Variants in SIGLEC7 observed in about 807,000 individuals in gnomAD.
SIGLEC7 encodes sialic acid binding Ig like lectin 7.
SIGLEC7 carries 33 observed loss-of-function variants against 40.8 expected under a neutral mutation model. The observed-to-expected ratio is 0.81, with a 90% CI of 0.61 to 1.08. SIGLEC7 has a LOEUF of 1.08. SIGLEC7 is among the 50% of genes least tolerant of loss of function. SIGLEC7 has a pLI of 0.00. For synonymous variants in SIGLEC7, 242 were observed against 237.6 expected, an observed-to-expected ratio of 1.02 and a Z score of -0.17; for missense variants, 513 against 576.1, an observed-to-expected ratio of 0.89 and a Z score of 1.12.
At chr19:51,144,243 A>C in intron 1 of SIGLEC7, 163 bp from the exon 2 acceptor site, 2 of 1,070,524 alleles carry the variant, frequency 1.9e-6, no homozygotes, top group South Asian at 3.0e-5. Context: ...GGGAAAGGTC[A>C]TGGGGGTGGC....
At chr19:51,148,702 C>A (rs1438499143) in intron 6 of SIGLEC7, among the ~76,000 whole-genome samples, 1 of 152,130 alleles carries the variant, frequency 6.6e-6, no homozygotes, top group Non-Finnish European at 1.5e-5. Context: ...GAGTATAAAA[C>A]CAGTAATGTG....
rs770072938 is a variant in SIGLEC7 at position 51,146,097 on chromosome 19, C to T, written c.1003C>T (p.Leu335Phe). 6 of 1,614,198 alleles carry T rather than the reference C, an allele frequency of 3.7e-6. No homozygotes were observed. Among genetic ancestry groups the T allele is most frequent in the Non-Finnish European group, 5.1e-6 (6 of 1,180,032 alleles). ...GGGTTCCCAGCACGTTTCCCTGAACCTCTCCCTGCAACAGGAGTACACAGG... is the reference window on the plus strand; with the variant it reads ...GGGTTCCCAGCACGTTTCCCTGAACTTCTCCCTGCAACAGGAGTACACAGG... ...SLGSQHVSLN[L>F]SLQQEYTGKM... Residue 335 changes from leucine to phenylalanine, a missense_variant, in exon 4 of 7, where the codon CTC becomes TTC. Physicochemically the swap from Leu to Phe is conservative, Grantham distance 22. Transcript: ENST00000317643.
Position 51,144,677 on chromosome 19 carries a change from T to TC in SIGLEC7, c.705_706insC (p.Val236ArgfsTer44). The stretch of plus-strand genomic sequence containing the variant: ...CCACGAACAGGACCATCCAACTCAA[T>TC]GTGTCCTGTGAGTGCTGAGCCAGGA... On this transcript the variant is annotated frameshift_variant, in exon 2 of 7. Transcript: ENST00000317643. LOFTEE classifies it high-confidence loss of function. 1 of 1,613,200 alleles carries TC rather than the reference T, an allele frequency of 6.2e-7. No individual in the cohort carries two copies. Among genetic ancestry groups the TC allele is most frequent in the Admixed American group, 1.7e-5 (1 of 60,010 alleles).
intron 6 of SIGLEC7, among the ~76,000 whole-genome samples, chr19:51,152,225 G>C (rs1185713815): frequency 6.6e-6 from 1 of 152,096 alleles, no homozygotes; most frequent in East Asian, 1.9e-4. Context: ...CAAGTAGCCT[G>C]GCATCTTCCA....
intron 6 of SIGLEC7, among the ~76,000 whole-genome samples, chr19:51,150,727 T>C (rs1043699542): frequency 6.6e-6 from 1 of 152,064 alleles, no homozygotes. Context: ...AGATCTGACA[T>C]TTATTGTGTG....
intron 6 of SIGLEC7, among the ~76,000 whole-genome samples, chr19:51,151,934 T>A (rs1364495686): frequency 1.3e-5 from 2 of 152,216 alleles, no homozygotes; most frequent in Non-Finnish European, 2.9e-5. Context: ...AGGAGGACCC[T>A]CCCAGGCAGC....
At chr19:51,146,399 T>G (rs1333662798) in intron 4 of SIGLEC7, among the ~76,000 whole-genome samples, 1 of 151,832 alleles carries the variant, frequency 6.6e-6, no homozygotes, top group Non-Finnish European at 1.5e-5. Context: ...TGGACTAGGG[T>G]GACACAAGCA....
At chr19:51,147,650 A>G (rs2092118160) in intron 6 of SIGLEC7, among the ~76,000 whole-genome samples, 1 of 151,726 alleles carries the variant, frequency 6.6e-6, no homozygotes, top group South Asian at 2.1e-4. Flanking sequence ...AACTCTCTCA[A>G]TGCTGAGGCC....
In SIGLEC7 at chr19:51,142,326, G is replaced by A. The variant is rs756316287; in HGVS notation, c.-44G>A. On this transcript the variant is annotated 5_prime_UTR_variant, in exon 1 of 7. Transcript: ENST00000317643. The surrounding 1 kb of genome is among the most constrained non-coding windows in gnomAD (Gnocchi z 5.0). ...GCAGTTCCTGAGAGAAGAACCCTGA[G>A]GAACAGACGTTCCCTCGCGGCCCTG... 1.6e-5 allele frequency: 25 copies of A among 1,591,316 alleles called. No individual in the cohort carries two copies. The highest frequency in any genetic ancestry group is 2.1e-5 in the Non-Finnish European group (24 of 1,168,508).
chr19:51,143,849 T>C (rs889443724), intron 1 of SIGLEC7: 2 of 432,334 alleles, frequency 4.6e-6, no homozygotes. Context: ...ACTGTCAAGA[T>C]ACAGGCTGGA....
intron 6 of SIGLEC7, among the ~76,000 whole-genome samples, chr19:51,149,580 G>A (rs2122912611): frequency 6.6e-6 from 1 of 152,298 alleles, no homozygotes; most frequent in South Asian, 2.1e-4. Flanking sequence ...TTAAATTTGG[G>A]TAACGTGATG....
chr19:51,147,674 C>T (rs2092118320), intron 6 of SIGLEC7, among the ~76,000 whole-genome samples: 1 of 152,064 alleles, frequency 6.6e-6, no homozygotes, highest in African/African-American at 2.4e-5. Flanking sequence ...GGATCTCTGT[C>T]TTGGACTTCC....
intron 6 of SIGLEC7, among the ~76,000 whole-genome samples, chr19:51,151,990 T>C (rs1017636419): frequency 2.0e-5 from 3 of 152,320 alleles, no homozygotes; most frequent in South Asian, 4.2e-4. Context: ...TTCCTGTGGC[T>C]GCTGTGACAA....
intron 6 of SIGLEC7, among the ~76,000 whole-genome samples, chr19:51,147,629 C>T (rs1275257578): frequency 2.0e-5 from 3 of 152,146 alleles, no homozygotes; most frequent in Non-Finnish European, 2.9e-5. Context: ...CTCCCACCCC[C>T]ACCAATCCTA....
chr19:51,146,199 G>A (rs781024275), intron 4 of SIGLEC7, 78 bp downstream of exon 4: 58 of 1,548,868 alleles, frequency 3.7e-5, no homozygotes, highest in African/African-American at 5.4e-5. Flanking sequence ...TGAGCTTCAA[G>A]GGGGAGCTCA....
Position 51,149,422 on chromosome 19 carries a change from T to A in SIGLEC7, c.1221+2105T>A, listed in dbSNP as rs1295031791. Among the ~76,000 whole-genome samples, 3 of 152,230 alleles carry A rather than the reference T, an allele frequency of 2.0e-5. No homozygotes were observed. The East Asian group carries it at 5.8e-4, about 29-fold the overall frequency. On this transcript the variant is annotated intron_variant, in intron 6 of 6. Transcript: ENST00000317643. The stretch of plus-strand genomic sequence containing the variant: ...TATTGAATCAGGAGTCCTTTCCCCA[T>A]TGCTTTTTTTTGTCAGCTTTGTTGA...
At chr19:51,147,713 C>T (rs914260084) in intron 6 of SIGLEC7, among the ~76,000 whole-genome samples, 2 of 152,250 alleles carry the variant, frequency 1.3e-5, no homozygotes, top group East Asian at 3.9e-4. Context: ...TGTCCCCTGC[C>T]CTGATGGGAG....
rs755157962 is a variant in SIGLEC7 at position 51,142,437 on chromosome 19, G to A, written c.68G>A (p.Arg23Gln). Reference sequence around the variant, plus strand: ...AGGGTGGAAGGACAGAAGAGTAACCGGAAGGATTACTCGCTGACGATGCAG... The same window carrying A: ...AGGGTGGAAGGACAGAAGAGTAACCAGAAGGATTACTCGCTGACGATGCAG... Reference protein sequence around the residue: ...RERVEGQKSNRKDYSLTMQSS... With the variant: ...RERVEGQKSNQKDYSLTMQSS... Residue 23 changes from arginine (R) to glutamine (Q), a missense_variant, in exon 1 of 7, where the codon CGG becomes CAG. Arg to Gln is a conservative substitution (Grantham distance 43). Coordinates refer to ENST00000317643, the MANE Select transcript of SIGLEC7 (RefSeq NM_014385.4). The surrounding 1 kb of genome is among the most constrained non-coding windows in gnomAD (Gnocchi z 5.0). 4.2e-5 allele frequency: 67 copies of A among 1,614,004 alleles called. No homozygotes were observed. The highest frequency in any genetic ancestry group is 8.9e-5 in the East Asian group (4 of 44,888).
chr19:51,144,972 C>T lies in SIGLEC7; in HGVS notation c.760+13C>T. On this transcript the variant is annotated intron_variant, in intron 3 of 6. Transcript: ENST00000317643. ...GGAGAAGGCACAGGTAGGATGGAGC[C>T]CCCTCCCTGGGGCTGGGGGAGCAGG... 1 of 1,613,656 alleles carries T rather than the reference C, an allele frequency of 6.2e-7. No homozygotes were observed.
Sources: gnomAD v4.1 joint callset for allele counts (sites outside exome capture counted in the v4.1 genomes callset) on GRCh38, gnomAD v4.1.1 for gene constraint, Gnocchi (gnomAD v3.1) non-coding constraint, MANE v1.5 for transcripts, NCBI Gene and HGNC (gene_info 2026-07-23, HGNC 2026-07-21) for gene names.